The following ARHGEF10 variants were observed in gnomAD, a reference collection of about 807,000 sequenced individuals.
ARHGEF10 encodes Rho guanine nucleotide exchange factor 10, also known as Rho guanine nucleotide exchange factor (GEF) 10.
ARHGEF10 carries 140 observed loss-of-function variants against 147.4 expected under a neutral mutation model. The ratio of observed to expected loss-of-function variants is 0.95; its 90% confidence interval spans 0.83 to 1.09. The LOEUF is 1.09. Among genes scored for constraint, ARHGEF10 ranks in the 50% least tolerant of loss-of-function variants. The pLI is 0.00. For missense variants in ARHGEF10, 2,222 were observed against 1,752.7 expected (o/e 1.27, Z -4.78); for synonymous variants, 902 against 695.8 (o/e 1.30, Z -4.67).
intron 7 of ARHGEF10, 35 bp downstream of exon 7, chr8:1,869,285 C>G: frequency 6.3e-7 from 1 of 1,576,586 alleles, no homozygotes; most frequent in Middle Eastern, 1.7e-4. Flanking sequence ...TGAGGAGATT[C>G]AGCTCAGCAG....
At chr8:1,938,592 T>A (rs921857903) in intron 26 of ARHGEF10, among the ~76,000 whole-genome samples, 2 of 152,184 alleles carry the variant, frequency 1.3e-5, no homozygotes, top group African/African-American at 4.8e-5. Context: ...GCGTTTTTTT[T>A]CTCATAGGAA....
In ARHGEF10 at chr8:1,956,922, C is replaced by G. The variant is rs200895319; in HGVS notation, c.3694C>G (p.Leu1232Val). 572 of 1,614,194 alleles carry G rather than the reference C, an allele frequency of 3.5e-4. No homozygotes were observed. Among genetic ancestry groups the G allele is most frequent in the Non-Finnish European group, 4.4e-4 (525 of 1,180,038 alleles). Residue 1232 changes from leucine (L) to valine (V), a missense_variant, in exon 29 of 29, where the codon CTG (leucine) becomes GTG (valine). Coordinates refer to ENST00000349830, the MANE Select transcript of ARHGEF10 (RefSeq NM_014629.4). ...ALPSGGAGSS[L>V]SQGDPDAAIW... ...TCCGAGTGGAGGAGCTGGTTCATCTCTGAGCCAGGGTGACCCTGACGCAGC... is the reference window on the plus strand; with the variant it reads ...TCCGAGTGGAGGAGCTGGTTCATCTGTGAGCCAGGGTGACCCTGACGCAGC...
chr8:1,824,209 C>G (rs1372803256), intron 1 of ARHGEF10, 96 bp downstream of exon 1: 4 of 152,284 alleles, frequency 2.6e-5, no homozygotes, highest in East Asian at 1.9e-4. Flanking sequence ...ATCGCTGGGT[C>G]CCACCCGGAG....
At position 1,933,956 on chromosome 8, in the gene ARHGEF10, G is replaced by C. The variant is rs750165991; in HGVS notation, c.3222+14G>C. ...CATGCTGTAGAGGTAAGTCACTTAG[G>C]TGGCTACACGGTGTGGAAAAAATGC... On this transcript the variant is annotated intron_variant, in intron 26 of 28. Transcript: ENST00000349830. 3 of 1,614,048 alleles carry C rather than the reference G, an allele frequency of 1.9e-6. No homozygotes were observed. In the South Asian group the frequency reaches 3.3e-5, roughly 18 times the overall value.
chr8:1,844,963 T>C (rs752624872), intron 2 of ARHGEF10, among the ~76,000 whole-genome samples: 10 of 152,118 alleles, frequency 6.6e-5, no homozygotes, highest in Non-Finnish European at 1.2e-4. Context: ...AGACCCCATC[T>C]CTGCAAAAAT....
chr8:1,876,613 GA>G lies in ARHGEF10; in HGVS notation c.725del (p.Asn242ThrfsTer45). 6.2e-7 allele frequency: 1 copy of G among 1,614,236 alleles called. No individual in the cohort carries two copies. The highest frequency in any genetic ancestry group is 8.5e-7 in the Non-Finnish European group (1 of 1,180,038). The part of the protein sequence containing the change: ...YDDVENGDEG[G>X]NSSLEYGWSS... ...GATGTTGAGAATGGGGATGAAGGTGGAAACAGCTCCTTGGAATACGGATGGA... is the reference window on the plus strand; with the variant it reads ...GATGTTGAGAATGGGGATGAAGGTGGAACAGCTCCTTGGAATACGGATGGA... On this transcript the variant is annotated frameshift_variant, in exon 8 of 29. Transcript: ENST00000349830. LOFTEE classifies it high-confidence loss of function.
At chr8:1,928,991 T>C (rs1812902197) in intron 24 of ARHGEF10, among the ~76,000 whole-genome samples, 1 of 152,232 alleles carries the variant, frequency 6.6e-6, no homozygotes, top group Non-Finnish European at 1.5e-5. Context: ...TATGTCATGA[T>C]CATACTGAAT....
intron 14 of ARHGEF10, among the ~76,000 whole-genome samples, chr8:1,896,905 G>A (rs1185261542): frequency 6.6e-6 from 1 of 152,228 alleles, no homozygotes; most frequent in African/African-American, 2.4e-5. Context: ...AGCACTGATG[G>A]CCTTCCTCAG....
At chr8:1,920,589 A>G (rs1563287416) in intron 18 of ARHGEF10, among the ~76,000 whole-genome samples, 1 of 151,914 alleles carries the variant, frequency 6.6e-6, no homozygotes, top group Non-Finnish European at 1.5e-5. Flanking sequence ...TGTGCTCCCA[A>G]AGTGCTGACA....
chr8:1,949,154 C>G (rs887615762), intron 27 of ARHGEF10, among the ~76,000 whole-genome samples: 1 of 152,156 alleles, frequency 6.6e-6, no homozygotes, highest in Non-Finnish European at 1.5e-5. Context: ...AAAAAACAAA[C>G]TGTATTATAA....
chr8:1,855,394 G>A (rs77648850), intron 2 of ARHGEF10, among the ~76,000 whole-genome samples: 2,934 of 152,058 alleles, frequency 0.019, 89 homozygotes, highest in East Asian at 0.095. Flanking sequence ...ACTTTTTTTG[G>A]GGTGGGGGAC....
intron 9 of ARHGEF10, 108 bp from the exon 10 acceptor site, chr8:1,882,527 C>G: frequency 1.1e-6 from 1 of 941,562 alleles, no homozygotes; most frequent in Non-Finnish European, 1.7e-6. Context: ...GTGACACATG[C>G]GCTCACAAGA....
intron 26 of ARHGEF10, among the ~76,000 whole-genome samples, chr8:1,936,909 G>C (rs1813658777): frequency 6.6e-6 from 1 of 152,146 alleles, no homozygotes; most frequent in Admixed American, 6.5e-5. Flanking sequence ...AGCCAGGAAA[G>C]GGCTCTCCGG....
chr8:1,837,891 G>C (rs1248481748), intron 1 of ARHGEF10, among the ~76,000 whole-genome samples: 1 of 152,192 alleles, frequency 6.6e-6, no homozygotes, highest in African/African-American at 2.4e-5. Context: ...AGTCAAGGTG[G>C]TGAGGACTCG....
intron 15 of ARHGEF10, among the ~76,000 whole-genome samples, chr8:1,901,693 G>C (rs984036473): frequency 6.6e-6 from 1 of 152,240 alleles, no homozygotes; most frequent in Non-Finnish European, 1.5e-5. Context: ...CCCTGTGCTG[G>C]CTGCTGTCTC....
intron 26 of ARHGEF10, among the ~76,000 whole-genome samples, chr8:1,945,256 T>G (rs1033448202): frequency 6.6e-6 from 1 of 152,180 alleles, no homozygotes; most frequent in South Asian, 2.1e-4. Context: ...CCTGTGTCTT[T>G]GGAATGGCCA....
rs11288174 is a variant in ARHGEF10 at position 1,908,227 on chromosome 8, A to ATTTTTTTT, written c.1968-1054_1968-1047dup. Among the ~76,000 whole-genome samples, 832 of 110,016 alleles carry ATTTTTTTT rather than the reference A, an allele frequency of 7.6e-3. 31 individuals are homozygous for ATTTTTTTT. The highest frequency in any genetic ancestry group is 0.029 in the African/African-American group (769 of 26,618). The allele number at this position is 110,016 out of a possible 152,430, so 72.2% of individuals were successfully genotyped here. On this transcript the variant is annotated intron_variant, in intron 17 of 28. Coordinates refer to ENST00000349830, the MANE Select transcript of ARHGEF10 (RefSeq NM_014629.4). Reference sequence around the variant, plus strand: ...TTTGGTTATTTCTACCCACACTTTGATTTTTTTTTTTTTTTTTTTTTGAGA... The same window carrying ATTTTTTTT: ...TTTGGTTATTTCTACCCACACTTTGATTTTTTTTTTTTTTTTTTTTTTTTTTTTTGAGA...
chr8:1,952,487 G>C (rs554510988), intron 27 of ARHGEF10, among the ~76,000 whole-genome samples: 77 of 152,356 alleles, frequency 5.1e-4, no homozygotes, highest in African/African-American at 1.7e-3. Flanking sequence ...GGCCTGTTCT[G>C]TTCAGGTGCA....
At chr8:1,888,190 T>TA (rs1563233854) in intron 11 of ARHGEF10, among the ~76,000 whole-genome samples, 1 of 45,060 alleles carries the variant, frequency 2.2e-5, no homozygotes, top group Non-Finnish European at 4.3e-5. Context: ...GGGTGAGGGT[T>TA]TGCGAGGAGA....
Sources: allele counts gnomAD v4.1 joint callset (sites outside exome capture counted in the v4.1 genomes callset), GRCh38; gene constraint gnomAD v4.1.1; transcripts MANE v1.5; gene names NCBI Gene and HGNC (gene_info 2026-07-23, HGNC 2026-07-21).